Variants in ARPC4 observed in about 807,000 individuals in gnomAD.
The protein encoded by ARPC4 is actin-related protein 2/3 complex subunit 4.
In ARPC4, 3 loss-of-function variants were observed where a neutral mutation model predicts 22.8. The observed-to-expected ratio is 0.13, with a 90% confidence interval of 0.06 to 0.34. The LOEUF (loss-of-function observed/expected upper bound fraction) is 0.34. ARPC4 is among the 10% of genes least tolerant of loss of function. ARPC4 has a pLI of 1.00. For missense variants in ARPC4, 98 were observed against 211.0 expected (o/e 0.46, Z 3.32); for synonymous variants, 80 against 72.5 (o/e 1.10, Z -0.52).
rs1480952340 is a variant in ARPC4, at chr3:9,797,924, C to T, written c.122+147C>T. 3.6e-6 allele frequency: 3 copies of T among 842,652 alleles called. No individual in the cohort carries two copies. The African/African-American group carries it at 5.1e-5, about 14-fold the overall frequency. 52.2% of individuals were successfully genotyped at this position (842,652 alleles called of 1,614,324 possible). A position where few individuals can be genotyped will look rare whatever the true frequency, so the allele number is the denominator to read the frequency against. ...TTGCTGCCAGCTGAATGGTGATTCC[C>T]AATTTGGAGTTAAGAAAATAGGGTC... is the stretch of plus-strand genomic sequence containing the variant. On this transcript the variant is annotated intron_variant, in intron 2 of 5. Coordinates refer to ENST00000397261, the MANE Select transcript of ARPC4 (RefSeq NM_005718.5).
At position 9,801,225 on chromosome 3, in the gene ARPC4, A is replaced by AAG. The variant is rs1293442467; in HGVS notation, c.235-435_235-434insGA. ...GATTCCATCTCAGAAAAAAAAAAAA[A>AAG]AAAAAAAAAAAAGAAATGTTGAGCA... is the stretch of plus-strand genomic sequence containing the variant. On this transcript the variant is annotated intron_variant, in intron 3 of 5. Coordinates refer to ENST00000397261, the MANE Select transcript of ARPC4 (RefSeq NM_005718.5). Among the ~76,000 whole-genome samples the AAG allele has an allele frequency of 8.9e-4, 132 of 148,318 alleles. 1 individual carries two copies. Among genetic ancestry groups the AAG allele is most frequent in the Non-Finnish European group, 1.6e-3 (107 of 67,548 alleles).
At chr3:9,803,018 G>A (rs1162922569) in intron 4 of ARPC4, among the ~76,000 whole-genome samples, 1 of 151,722 alleles carries the variant, frequency 6.6e-6, no homozygotes, top group African/African-American at 2.4e-5. Context: ...CGAGTAGCTG[G>A]GACTACAGGT....
chr3:9,801,620 G>C, intron 3 of ARPC4, 41 bp from the exon 4 acceptor site: 2 of 1,555,884 alleles, frequency 1.3e-6, no homozygotes, highest in Non-Finnish European at 1.7e-6. Flanking sequence ...TTGGCCTTGG[G>C]TGTCAGCTTT....
intron 4 of ARPC4, chr3:9,803,517 T>G (rs918332831): frequency 4.1e-6 from 2 of 490,878 alleles, no homozygotes; most frequent in Non-Finnish European, 4.0e-6. Flanking sequence ...GGACTAAATG[T>G]TCCCTGTTGT....
intron 3 of ARPC4, 95 bp downstream of exon 3, chr3:9,800,391 A>G: frequency 8.6e-7 from 1 of 1,161,924 alleles, no homozygotes; most frequent in Non-Finnish European, 1.2e-6. Flanking sequence ...TCAGTGTGCC[A>G]GATTCCAGAT....
Position 9,800,266 on chromosome 3 carries a change from C to T in ARPC4, c.204C>T (p.Asn68=). ...AGGTTCTGATTGAGGGCTCCATCAA[C>T]TCTGTCCGGGTCAGCATTGCTGTGA... ...KEKVLIEGSI[N]SVRVSIAVKQ... The change falls in exon 3 of 6, where the codon AAC becomes AAT. Residue 68 remains asparagine, a synonymous_variant. Transcript: ENST00000397261. 1 of 1,614,136 alleles carries T rather than the reference C, an allele frequency of 6.2e-7. No individual in the cohort carries two copies. Among genetic ancestry groups the T allele is most frequent in the Non-Finnish European group, 8.5e-7 (1 of 1,180,022 alleles).
chr3:9,793,339 C>T (rs952902720), intron 1 of ARPC4, among the ~76,000 whole-genome samples: 5 of 152,198 alleles, frequency 3.3e-5, no homozygotes, highest in African/African-American at 4.8e-5. Flanking sequence ...GGCCTTGTGG[C>T]TTCACGGTCA....
upstream of ARPC4, chr3:9,792,822 C>G: frequency 2.2e-6 from 3 of 1,354,076 alleles, no homozygotes; most frequent in Non-Finnish European, 9.5e-7. Flanking sequence ...CATTGCATAC[C>G]TGGGGGAGGC....
At chr3:9,793,198 G>A in intron 1 of ARPC4, 74 bp downstream of exon 1, 1 of 1,506,538 alleles carries the variant, frequency 6.6e-7, no homozygotes. Flanking sequence ...GGGAGATGTG[G>A]CTTTGCCGCA....
At chr3:9,804,616 A>G (rs1030252580) in intron 5 of ARPC4, among the ~76,000 whole-genome samples, 1 of 152,168 alleles carries the variant, frequency 6.6e-6, no homozygotes, top group African/African-American at 2.4e-5. Flanking sequence ...TATTCAGAAC[A>G]TGCCTTTTTT....
Position 9,806,501 on chromosome 3 carries a change from C to A in ARPC4, c.*286C>A. 4.3e-6 allele frequency: 2 copies of A among 465,758 alleles called. No homozygotes were observed. The highest frequency in any genetic ancestry group is 6.0e-4 in the Middle Eastern group (1 of 1,654). 28.9% of individuals were successfully genotyped at this position (465,758 alleles called of 1,614,324 possible). A position where few individuals can be genotyped will look rare whatever the true frequency, so the allele number is the denominator to read the frequency against. ...ACTTAAACTCTGTGCTTGTAGGATA[C>A]TGTAACCTTTTTGTCTTTTTTTTTT... On this transcript the variant is annotated 3_prime_UTR_variant, in exon 6 of 6. Transcript: ENST00000397261.
chr3:9,805,174 A>G (rs1199266021), intron 5 of ARPC4, among the ~76,000 whole-genome samples: 2 of 152,224 alleles, frequency 1.3e-5, no homozygotes, highest in Non-Finnish European at 2.9e-5. Flanking sequence ...TCACTCACTC[A>G]ACAATCATTT....
rs534347776 is a variant in ARPC4 at position 9,802,127 on chromosome 3, T to C, written c.330+371T>C. ...GGTGGTGGGCGCCTGTAATCCTAGC[T>C]ACTCAGGAGGCTGAGGCAGAGAACT... is the stretch of plus-strand genomic sequence containing the variant. On this transcript the variant is annotated intron_variant, in intron 4 of 5. Coordinates refer to ENST00000397261, the MANE Select transcript of ARPC4 (RefSeq NM_005718.5). Among the ~76,000 whole-genome samples, 35 of 147,632 alleles carry C rather than the reference T, an allele frequency of 2.4e-4. No homozygotes were observed. The South Asian group carries it at 7.3e-3, about 31-fold the overall frequency.
chr3:9,792,678 T>G (rs922445703), upstream of ARPC4: 3 of 1,233,160 alleles, frequency 2.4e-6, no homozygotes, highest in Middle Eastern at 3.1e-4. Context: ...GCGCTGCAGT[T>G]AGCCCCGCCG....
At chr3:9,793,348 C>T (rs1385494034) in intron 1 of ARPC4, among the ~76,000 whole-genome samples, 1 of 152,198 alleles carries the variant, frequency 6.6e-6, no homozygotes, top group Non-Finnish European at 1.5e-5. Context: ...GCTTCACGGT[C>T]AGCCTTCGAA....
chr3:9,803,804 G>C, intron 4 of ARPC4, 39 bp from the exon 5 acceptor site: 1 of 1,598,320 alleles, frequency 6.3e-7, no homozygotes, highest in Non-Finnish European at 8.6e-7. Flanking sequence ...ATTCTCTCCT[G>C]TTCCTTCTCT....
At chr3:9,792,733 G>A (rs1009670782), upstream of ARPC4, 8 of 1,240,142 alleles carry the variant, frequency 6.5e-6, no homozygotes, top group Non-Finnish European at 7.1e-6. Context: ...AAGGATGGGG[G>A]TACAGAACCG....
rs564901687 is a variant in ARPC4 at position 9,796,640 on chromosome 3, C to G, written c.4-1019C>G. On this transcript the variant is annotated intron_variant, in intron 1 of 5. Transcript: ENST00000397261. ...AGTGCAGCTAGAAGCTAATCCCTCT[C>G]CTAAGAATGTCCTTATTCTGGCAGG... Among the ~76,000 whole-genome samples the G allele has an allele frequency of 1.6e-4, 24 of 152,186 alleles. No individual in the cohort carries two copies. The East Asian group carries it at 4.7e-3, about 30-fold the overall frequency.
At chr3:9,793,249 C>T (rs2078793711) in intron 1 of ARPC4, 125 bp downstream of exon 1, 2 of 1,413,764 alleles carry the variant, frequency 1.4e-6, no homozygotes, top group Non-Finnish European at 1.9e-6. Context: ...TGTGGGGACA[C>T]GATGAGGGTG....
Sources: gnomAD v4.1 joint callset for allele counts (sites outside exome capture counted in the v4.1 genomes callset) on GRCh38, gnomAD v4.1.1 for gene constraint, MANE v1.5 for transcripts, NCBI Gene and HGNC (gene_info 2026-07-23, HGNC 2026-07-21) for gene names.